Variants in C3orf20 observed in about 807,000 individuals in gnomAD.
The protein encoded by C3orf20 is uncharacterized protein C3orf20.
A neutral mutation model predicts 88.3 loss-of-function variants in C3orf20; 76 were observed. That is an observed-to-expected ratio of 0.86 (90% CI 0.72 to 1.04). The LOEUF (loss-of-function observed/expected upper bound fraction) is 1.04. Ranked by LOEUF, C3orf20 falls within the 50% of genes least tolerant of loss-of-function variation. C3orf20 has a pLI of 0.00. For synonymous variants in C3orf20, 436 were observed against 437.4 expected (o/e 1.00, Z 0.04); for missense variants, 1,056 against 1,123.3 (o/e 0.94, Z 0.86).
intron 4 of C3orf20, among the ~76,000 whole-genome samples, chr3:14,686,391 A>G (rs1392803182): frequency 6.6e-6 from 1 of 152,158 alleles, no homozygotes; most frequent in Non-Finnish European, 1.5e-5. Flanking sequence ...TCCATTTTTA[A>G]ATTTCAGAGG....
intron 12 of C3orf20, among the ~76,000 whole-genome samples, chr3:14,751,508 G>T (rs1325143467): frequency 1.3e-5 from 2 of 152,164 alleles, no homozygotes; most frequent in African/African-American, 4.8e-5. Context: ...AAGAAATAAA[G>T]GATATTCAAT....
chr3:14,754,087 C>A (rs1177922744), intron 12 of C3orf20, among the ~76,000 whole-genome samples: 1 of 152,150 alleles, frequency 6.6e-6, no homozygotes, highest in African/African-American at 2.4e-5. Context: ...ATCTATATTC[C>A]CTGGTATGCA....
At chr3:14,684,202 T>C (rs752067111) in intron 3 of C3orf20, 40 bp from the exon 4 acceptor site, 8 of 1,609,922 alleles carry the variant, frequency 5.0e-6, no homozygotes, top group East Asian at 4.5e-5. Flanking sequence ...ATTAGCCCCA[T>C]GCTAGGAGGG....
In C3orf20 at chr3:14,697,325, G is replaced by A. The variant is rs920179616; in HGVS notation, c.746-5805G>A. Among the ~76,000 whole-genome samples the A allele has an allele frequency of 1.3e-5, 2 of 151,962 alleles. 1 individual carries two copies. The highest frequency in any genetic ancestry group is 2.9e-5 in the Non-Finnish European group (2 of 67,992). ...CAGTAACTCTTAAATTTGCCCTTTT[G>A]AGGTTATTTTCTAGATCTTGTAGCC... On this transcript the variant is annotated intron_variant, in intron 5 of 16. Coordinates refer to ENST00000253697, the MANE Select transcript of C3orf20 (RefSeq NM_032137.5).
chr3:14,713,419 A>C (rs1294476412), intron 7 of C3orf20, among the ~76,000 whole-genome samples: 1 of 152,174 alleles, frequency 6.6e-6, no homozygotes, highest in Non-Finnish European at 1.5e-5. Flanking sequence ...TCCTGCACAC[A>C]GGACAGTAGC....
rs1375808356 is a variant in C3orf20, at chr3:14,768,520, A to T, written c.2496-3547A>T. On this transcript the variant is annotated intron_variant, in intron 15 of 16. Coordinates refer to ENST00000253697, the MANE Select transcript of C3orf20 (RefSeq NM_032137.5). The surrounding 1 kb of genome is among the most constrained non-coding windows in gnomAD (Gnocchi z 4.1). Reference sequence around the variant, plus strand: ...AATGAAGGTTCTTGAGCTGAGAGAGACTTGATCAGAGTTGGGCTTTAGACT... The same window carrying T: ...AATGAAGGTTCTTGAGCTGAGAGAGTCTTGATCAGAGTTGGGCTTTAGACT... Among the ~76,000 whole-genome samples, 2 of 151,970 alleles carry T rather than the reference A, an allele frequency of 1.3e-5. No individual in the cohort carries two copies. The highest frequency in any genetic ancestry group is 2.9e-5 in the Non-Finnish European group (2 of 68,020).
At chr3:14,724,276 T>G (rs1327766323) in intron 10 of C3orf20, among the ~76,000 whole-genome samples, 15 of 152,238 alleles carry the variant, frequency 9.9e-5, no homozygotes, top group Admixed American at 9.8e-4. Flanking sequence ...CATAAAATTG[T>G]GGCAATGCTT....
intron 12 of C3orf20, 27 bp from the exon 13 acceptor site, chr3:14,757,344 C>CACA (rs1403381164): frequency 2.5e-6 from 4 of 1,591,154 alleles, no homozygotes; most frequent in Non-Finnish European, 2.6e-6. Flanking sequence ...TTCTGAGGGT[C>CACA]CCTGTGCACT....
At chr3:14,680,030 A>T (rs2124877243) in intron 1 of C3orf20, among the ~76,000 whole-genome samples, 1 of 152,342 alleles carries the variant, frequency 6.6e-6, no homozygotes, top group East Asian at 1.9e-4. Context: ...GTGCTGGCAA[A>T]GAGAGAAATT....
intron 4 of C3orf20, among the ~76,000 whole-genome samples, chr3:14,689,516 A>C (rs940362033): frequency 6.6e-6 from 1 of 152,224 alleles, no homozygotes; most frequent in African/African-American, 2.4e-5. Flanking sequence ...GCTACATTTT[A>C]ATTCTTAAGT....
chr3:14,679,221 C>T (rs1325546098), intron 1 of C3orf20, among the ~76,000 whole-genome samples: 1 of 152,154 alleles, frequency 6.6e-6, no homozygotes, highest in East Asian at 1.9e-4. Context: ...ACCCTTATCA[C>T]ATAAGTCAGT....
At chr3:14,723,475 TC>T (rs1361485271) in intron 10 of C3orf20, among the ~76,000 whole-genome samples, 1 of 152,224 alleles carries the variant, frequency 6.6e-6, no homozygotes, top group Admixed American at 6.5e-5. Flanking sequence ...AATAAAGAAG[TC>T]TCATTCCCTC....
intron 12 of C3orf20, among the ~76,000 whole-genome samples, chr3:14,732,344 T>C (rs1010194917): frequency 2.0e-5 from 3 of 152,256 alleles, no homozygotes; most frequent in Non-Finnish European, 4.4e-5. Context: ...TGTTTTCTTA[T>C]TGTGAGTTTT....
chr3:14,704,715 G>C (rs1243487233), intron 7 of C3orf20, 97 bp downstream of exon 7: 9 of 1,454,310 alleles, frequency 6.2e-6, no homozygotes, highest in Admixed American at 1.9e-5. Context: ...GGGCCTTTTA[G>C]TTATCAGAGA....
At chr3:14,747,229 T>C (rs1203498986) in intron 12 of C3orf20, among the ~76,000 whole-genome samples, 1 of 152,204 alleles carries the variant, frequency 6.6e-6, no homozygotes, top group Non-Finnish European at 1.5e-5. Flanking sequence ...GTGAAAAAGG[T>C]AGGTATTACA....
chr3:14,694,978 A>G (rs1040307988), intron 5 of C3orf20, among the ~76,000 whole-genome samples: 1 of 152,082 alleles, frequency 6.6e-6, no homozygotes. Flanking sequence ...TTTAGTAGAG[A>G]CAGGGTTTCA....
At chr3:14,724,108 C>T (rs918070883) in intron 10 of C3orf20, among the ~76,000 whole-genome samples, 6 of 152,244 alleles carry the variant, frequency 3.9e-5, no homozygotes, top group South Asian at 4.1e-4. Context: ...CGTGAGCCAC[C>T]GTGCCTGGCC....
At chr3:14,732,856 A>G (rs2034581797) in intron 12 of C3orf20, among the ~76,000 whole-genome samples, 1 of 152,218 alleles carries the variant, frequency 6.6e-6, no homozygotes, top group Non-Finnish European at 1.5e-5. Flanking sequence ...TCTATGATCC[A>G]TTTTGAGTTA....
At position 14,772,930 on chromosome 3, in the gene C3orf20, TC is replaced by T; in HGVS notation, c.*56del. Reference sequence around the variant, plus strand: ...GGCCCCGGCCCGGGGTGCTGGGGCTTCTTGCCAGCCCAGCCCTGCCTCCCCG... The same window carrying T: ...GGCCCCGGCCCGGGGTGCTGGGGCTTTTGCCAGCCCAGCCCTGCCTCCCCG... On this transcript the variant is annotated 3_prime_UTR_variant, in exon 17 of 17. Transcript: ENST00000253697. This position sits in a 1 kb window ranked among gnomAD's most constrained non-coding sequence, Gnocchi z 4.2. The T allele has an allele frequency of 7.2e-7, 1 of 1,394,684 alleles. No individual in the cohort carries two copies. The highest frequency in any genetic ancestry group is 1.0e-6 in the Non-Finnish European group (1 of 983,130). The allele number at this position is 1,394,684 out of a possible 1,614,324, so 86.4% of individuals were successfully genotyped here.
Sources: allele counts gnomAD v4.1 joint callset (sites outside exome capture counted in the v4.1 genomes callset), GRCh38; gene constraint gnomAD v4.1.1; non-coding constraint Gnocchi (gnomAD v3.1); transcripts MANE v1.5; gene names NCBI Gene and HGNC (gene_info 2026-07-23, HGNC 2026-07-21).